NBAS: variants seen among roughly 807,000 people sequenced by gnomAD.
NBAS encodes NAG/BC035112 fusion.
In NBAS, 219 loss-of-function variants were observed where a neutral mutation model predicts 302.5. The observed-to-expected ratio is 0.72, with a 90% CI of 0.65 to 0.81. NBAS has a LOEUF of 0.81. NBAS is among the 30% of genes least tolerant of loss of function. NBAS has a pLI of 0.00. For missense variants in NBAS, 2,932 were observed against 2,841.6 expected, an observed-to-expected ratio of 1.03 and a Z score of -0.72; for synonymous variants, 1,118 against 1,021.6, an observed-to-expected ratio of 1.09 and a Z score of -1.80.
chr2:14,947,735 A>G, the NBAS span, among the ~76,000 whole-genome samples: 2 of 151,896 alleles, frequency 1.3e-5, no homozygotes, highest in East Asian at 3.9e-4. Context: ...AAACTTCAAT[A>G]TTTCCCTGTT....
In NBAS at chr2:15,189,543, A is replaced by T. The variant is rs996876591; in HGVS notation, c.6572+721T>A. Among the ~76,000 whole-genome samples, 18 of 146,702 alleles carry T rather than the reference A, an allele frequency of 1.2e-4. No homozygotes were observed. In the Admixed American group the frequency reaches 1.3e-3, roughly 10 times the overall value. Reference sequence around the variant, plus strand: ...TTGGTGCTCATATCATTTGCCAATGAGAAGCCACAGCTCATGAGACCCAGT... The same window carrying T: ...TTGGTGCTCATATCATTTGCCAATGTGAAGCCACAGCTCATGAGACCCAGT... On this transcript the variant is annotated intron_variant, in intron 49 of 51. Transcript: ENST00000281513.
At chr2:14,928,282 G>T in the NBAS span, among the ~76,000 whole-genome samples, 1 of 152,182 alleles carries the variant, frequency 6.6e-6, no homozygotes, top group Non-Finnish European at 1.5e-5. Context: ...AACACAGCAT[G>T]ACTGGAATCC....
the NBAS span, among the ~76,000 whole-genome samples, chr2:15,080,638 T>C: frequency 6.6e-6 from 1 of 152,154 alleles, no homozygotes; most frequent in Non-Finnish European, 1.5e-5. Context: ...CTGAAATCAC[T>C]CAGGGAAATT....
intron 23 of NBAS, among the ~76,000 whole-genome samples, chr2:15,419,492 A>C (rs1677108565): frequency 6.6e-6 from 1 of 152,112 alleles, no homozygotes; most frequent in African/African-American, 2.4e-5. Flanking sequence ...GTGCAGTCAT[A>C]GCACATTACA....
intron 9 of NBAS, among the ~76,000 whole-genome samples, chr2:15,515,780 TA>T (rs200618801): frequency 6.6e-6 from 1 of 150,932 alleles, no homozygotes. Context: ...CCATGTAACT[TA>T]AAAAAAAAGC....
chr2:15,333,497 G>A (rs1454762700), intron 35 of NBAS, among the ~76,000 whole-genome samples: 3 of 152,138 alleles, frequency 2.0e-5, no homozygotes, highest in Non-Finnish European at 4.4e-5. Context: ...CCAGGAGCAA[G>A]AATCCAGTTT....
At chr2:15,179,795 C>CAA (rs1558413929) in intron 50 of NBAS, 4 of 152,228 alleles carry the variant, frequency 2.6e-5, no homozygotes, top group African/African-American at 9.7e-5. Context: ...TATTCTCAGC[C>CAA]CTGTATTTTA....
At position 15,469,253 on chromosome 2, in the gene NBAS, G is replaced by A. The variant is rs187988514; in HGVS notation, c.1726-720C>T. ...TCTTGCCTTCTGCTAGCTTTTGAAT[G>A]TGTTTGCTCTTATTTCTCTAGTTCT... is the stretch of plus-strand genomic sequence containing the variant. On this transcript the variant is annotated intron_variant, in intron 16 of 51. Coordinates refer to ENST00000281513, the MANE Select transcript of NBAS (RefSeq NM_015909.4). Among the ~76,000 whole-genome samples, 6 of 152,270 alleles carry A rather than the reference G, an allele frequency of 3.9e-5. No individual in the cohort carries two copies. In the East Asian group the frequency reaches 1.2e-3, roughly 29 times the overall value.
chr2:15,245,694 G>GT (rs1668068678), intron 44 of NBAS, among the ~76,000 whole-genome samples: 6 of 152,194 alleles, frequency 3.9e-5, no homozygotes, highest in African/African-American at 1.4e-4. Flanking sequence ...TTTAAAAAGA[G>GT]AACAGTAAAA....
At chr2:15,122,939 T>C in the NBAS span, among the ~76,000 whole-genome samples, 1 of 145,514 alleles carries the variant, frequency 6.9e-6, no homozygotes, top group African/African-American at 2.8e-5. Flanking sequence ...CCTAATGTGG[T>C]GTGGTAGGAC....
chr2:15,248,212 A>G (rs1413658283), intron 44 of NBAS, among the ~76,000 whole-genome samples: 1 of 152,248 alleles, frequency 6.6e-6, no homozygotes, highest in Non-Finnish European at 1.5e-5. Context: ...TACTCGGTGA[A>G]TAACAAAATG....
chr2:15,278,271 T>C (rs1454810520), intron 42 of NBAS, among the ~76,000 whole-genome samples: 1 of 152,214 alleles, frequency 6.6e-6, no homozygotes, highest in Non-Finnish European at 1.5e-5. Context: ...TTACTTTTGC[T>C]TCAAGAAAAA....
At chr2:15,129,263 T>G in the NBAS span, among the ~76,000 whole-genome samples, 1 of 152,356 alleles carries the variant, frequency 6.6e-6, no homozygotes, top group African/African-American at 2.4e-5. Context: ...CATGGCCTTG[T>G]CGGGTTTACT....
Position 15,475,550 on chromosome 2 carries a change from C to G in NBAS, c.1341+137G>C, listed in dbSNP as rs771371668. Reference sequence around the variant, plus strand: ...TTCACTAAAAAATGGATTTTTTATACTACAACCATTACCTGATTCCAATCA... The same window carrying G: ...TTCACTAAAAAATGGATTTTTTATAGTACAACCATTACCTGATTCCAATCA... On this transcript the variant is annotated intron_variant, in intron 14 of 51. Coordinates refer to ENST00000281513, the MANE Select transcript of NBAS (RefSeq NM_015909.4). The G allele has an allele frequency of 2.1e-4, 189 of 905,156 alleles. 1 individual carries two copies. The highest frequency in any genetic ancestry group is 1.6e-4 in the Non-Finnish European group (99 of 607,998). 56.1% of individuals were successfully genotyped at this position (905,156 alleles called of 1,614,324 possible).
At chr2:15,142,479 T>C in the NBAS span, among the ~76,000 whole-genome samples, 2 of 152,240 alleles carry the variant, frequency 1.3e-5, no homozygotes, top group African/African-American at 4.8e-5. Flanking sequence ...GGACAATTTA[T>C]TGAAGAGCTA....
chr2:15,084,866 C>A, the NBAS span, among the ~76,000 whole-genome samples: 1 of 152,214 alleles, frequency 6.6e-6, no homozygotes, highest in Non-Finnish European at 1.5e-5. Flanking sequence ...GAAAGGTATT[C>A]ATTATGTTAA....
the NBAS span, among the ~76,000 whole-genome samples, chr2:14,906,968 T>C: frequency 3.3e-5 from 5 of 152,132 alleles, no homozygotes; most frequent in Non-Finnish European, 5.9e-5. Context: ...TCGAGTTGAA[T>C]CCCTCAAGCA....
At chr2:14,934,504 G>A in the NBAS span, among the ~76,000 whole-genome samples, 3 of 152,060 alleles carry the variant, frequency 2.0e-5, no homozygotes, top group African/African-American at 7.2e-5. Flanking sequence ...AAAGAACTGA[G>A]TAGTATGATT....
intron 15 of NBAS, 110 bp downstream of exon 15, chr2:15,473,957 G>C: frequency 7.7e-7 from 1 of 1,300,688 alleles, no homozygotes; most frequent in Non-Finnish European, 1.1e-6. Flanking sequence ...ACATGTCAAT[G>C]ATCCAACATC....
Sources: gnomAD v4.1 joint callset for allele counts (sites outside exome capture counted in the v4.1 genomes callset) on GRCh38, gnomAD v4.1.1 for gene constraint, MANE v1.5 for transcripts, NCBI Gene and HGNC (gene_info 2026-07-23, HGNC 2026-07-21) for gene names.